The following NCAM2 variants were observed in gnomAD, a reference collection of about 807,000 sequenced individuals.
The protein encoded by NCAM2 is neural cell adhesion molecule 2, also known as N-CAM-2.
Under a neutral mutation model 98.1 loss-of-function variants are expected in NCAM2, and 30 were observed. The ratio of observed to expected loss-of-function variants is 0.31; its 90% CI spans 0.23 to 0.41. NCAM2 has a LOEUF of 0.41. Among genes scored for constraint, NCAM2 ranks in the 10% least tolerant of loss-of-function variants. The pLI, the probability that NCAM2 is intolerant of heterozygous loss-of-function variation, is 1.00. For missense variants in NCAM2, 867 were observed against 1,005.8 expected, an observed-to-expected ratio of 0.86 and a Z score of 1.87; for synonymous variants, 368 against 342.4, an observed-to-expected ratio of 1.07 and a Z score of -0.83.
chr21:21,530,127 T>C (rs1989553498), intron 16 of NCAM2, among the ~76,000 whole-genome samples: 1 of 144,694 alleles, frequency 6.9e-6, no homozygotes, highest in East Asian at 2.0e-4. Flanking sequence ...AATTTAATTA[T>C]ATATGATTTA....
intron 1 of NCAM2, among the ~76,000 whole-genome samples, chr21:21,015,705 G>C (rs1041494615): frequency 3.1e-4 from 47 of 151,952 alleles, no homozygotes; most frequent in African/African-American, 1.1e-3. Context: ...TTGTTTGTTT[G>C]TTTTTGGTTT....
At chr21:21,030,327 A>G (rs2064652336) in intron 1 of NCAM2, among the ~76,000 whole-genome samples, 1 of 152,208 alleles carries the variant, frequency 6.6e-6, no homozygotes, top group Non-Finnish European at 1.5e-5. Flanking sequence ...GTCCTTGACT[A>G]CCACGATATT....
At chr21:21,150,989 T>A in intron 1 of NCAM2, among the ~76,000 whole-genome samples, 1 of 151,846 alleles carries the variant, frequency 6.6e-6, no homozygotes, top group South Asian at 2.1e-4. Context: ...TATATATATA[T>A]TTTTAATCGT....
In NCAM2 at chr21:21,335,562, A is replaced by G. The variant is rs2074840172; in HGVS notation, c.795A>G (p.Glu265=). 6.2e-7 allele frequency: 1 copy of G among 1,611,352 alleles called. No homozygotes were observed. Among genetic ancestry groups the G allele is most frequent in the Non-Finnish European group, 8.5e-7 (1 of 1,178,604 alleles). ...ACATATTGAAAGGGAGCAATACAGA[A>G]CTCACTGTCAGGAACATAATCAATA... ...EKYILKGSNT[E]LTVRNIINSD... The change falls in exon 7 of 18, where the codon GAA becomes GAG. Residue 265 remains glutamate (E), a synonymous_variant. Coordinates refer to ENST00000400546, the MANE Select transcript of NCAM2 (RefSeq NM_004540.5).
rs137908546 is a variant in NCAM2 at position 21,306,014 on chromosome 21, G to C, written c.619+13773G>C. Among the ~76,000 whole-genome samples the C allele has an allele frequency of 2.1e-3, 321 of 152,196 alleles. 1 individual carries two copies. Among genetic ancestry groups the C allele is most frequent in the African/African-American group, 7.4e-3 (308 of 41,538 alleles). ...TATTATTTATCCCATGAAACATTTA[G>C]AAGTATGCACTTAGCTTCCAATTAT... On this transcript the variant is annotated intron_variant, in intron 5 of 17. Transcript: ENST00000400546.
intron 1 of NCAM2, among the ~76,000 whole-genome samples, chr21:21,069,870 T>G (rs10854450): frequency 0.65 from 99,460 of 151,990 alleles, 33,901 homozygotes; most frequent in East Asian, 0.84. Context: ...GGACCTTCTG[T>G]GACATCCCAA....
intron 9 of NCAM2, among the ~76,000 whole-genome samples, chr21:21,382,939 T>G (rs2076190970): frequency 6.6e-6 from 1 of 152,158 alleles, no homozygotes; most frequent in South Asian, 2.1e-4. Context: ...TTTTATCTAT[T>G]TTAGAATATA....
chr21:21,299,468 C>T (rs1289371020), intron 5 of NCAM2, among the ~76,000 whole-genome samples: 3 of 151,860 alleles, frequency 2.0e-5, no homozygotes, highest in African/African-American at 7.2e-5. Context: ...CCATGTGCTA[C>T]ATCATCTTCT....
intron 1 of NCAM2, among the ~76,000 whole-genome samples, chr21:21,248,710 G>A (rs536161735): frequency 7.8e-4 from 113 of 144,052 alleles, no homozygotes; most frequent in Non-Finnish European, 1.2e-3. Flanking sequence ...CCGGGAGGTG[G>A]AGCTTGCAGT....
intron 15 of NCAM2, among the ~76,000 whole-genome samples, chr21:21,478,716 T>G (rs1039491134): frequency 6.6e-6 from 1 of 152,102 alleles, no homozygotes; most frequent in Non-Finnish European, 1.5e-5. Flanking sequence ...TTTTAAGGAC[T>G]TTTTTTACTA....
chr21:21,115,062 C>T (rs1024836377), intron 1 of NCAM2, among the ~76,000 whole-genome samples: 1 of 152,124 alleles, frequency 6.6e-6, no homozygotes, highest in Non-Finnish European at 1.5e-5. Context: ...CTTAGGTAAT[C>T]TGCCTGCCTC....
Position 21,492,128 on chromosome 21 carries a change from C to A in NCAM2, c.2077+14657C>A, listed in dbSNP as rs543188454. Among the ~76,000 whole-genome samples the A allele has an allele frequency of 2.6e-5, 4 of 151,746 alleles. No individual in the cohort carries two copies. The South Asian group carries it at 8.3e-4, about 31-fold the overall frequency. On this transcript the variant is annotated intron_variant, in intron 15 of 17. Transcript: ENST00000400546. ...AAAATCTGAAGCTATTATAACCAAA[C>A]TCTATTATTTTATTATATCAACAAA...
intron 6 of NCAM2, among the ~76,000 whole-genome samples, chr21:21,330,707 A>C (rs2074650512): frequency 2.0e-5 from 3 of 151,548 alleles, no homozygotes; most frequent in African/African-American, 4.8e-5. Flanking sequence ...GTTTTGCTTC[A>C]TATTTTTTGA....
chr21:21,050,944 C>T (rs2065096166), intron 1 of NCAM2, among the ~76,000 whole-genome samples: 1 of 152,170 alleles, frequency 6.6e-6, no homozygotes, highest in African/African-American at 2.4e-5. Flanking sequence ...CAGCATGATA[C>T]ATTTGATTTC....
chr21:21,021,256 A>G (rs2064429725), intron 1 of NCAM2, among the ~76,000 whole-genome samples: 1 of 152,150 alleles, frequency 6.6e-6, no homozygotes, highest in Non-Finnish European at 1.5e-5. Context: ...TTAAGAAAAC[A>G]TTCATCTCTT....
chr21:21,254,587 T>A (rs1214379351), intron 1 of NCAM2, among the ~76,000 whole-genome samples: 3 of 152,180 alleles, frequency 2.0e-5, no homozygotes, highest in Non-Finnish European at 2.9e-5. Flanking sequence ...GTCTAGACCA[T>A]AACAAGTCGT....
At position 21,285,274 on chromosome 21, in the gene NCAM2, G is replaced by A. The variant is rs1306942244; in HGVS notation, c.337+874G>A. On this transcript the variant is annotated intron_variant, in intron 3 of 17. Coordinates refer to ENST00000400546, the MANE Select transcript of NCAM2 (RefSeq NM_004540.5). ...CAAGCCCTTAAATCATCTCATATCT[G>A]TAGCTTTGTGTTTTGTTTGTTATTC... 4.0e-5 allele frequency among the ~76,000 whole-genome samples: 6 copies of A among 151,806 alleles called. No individual in the cohort carries two copies. The East Asian group carries it at 1.2e-3, about 29-fold the overall frequency.
At chr21:21,069,478 T>C (rs980100854) in intron 1 of NCAM2, among the ~76,000 whole-genome samples, 3 of 152,082 alleles carry the variant, frequency 2.0e-5, no homozygotes. Flanking sequence ...GCACAGAAAA[T>C]GTTTTCTGTC....
chr21:21,218,238 A>AC (rs2069988499), intron 1 of NCAM2, among the ~76,000 whole-genome samples: 1 of 152,206 alleles, frequency 6.6e-6, no homozygotes, highest in African/African-American at 2.4e-5. Context: ...AGCTGTTCAA[A>AC]CAGTCCAGTG....
Sources: allele counts gnomAD v4.1 joint callset (sites outside exome capture counted in the v4.1 genomes callset), GRCh38; gene constraint gnomAD v4.1.1; transcripts MANE v1.5; gene names NCBI Gene and HGNC (gene_info 2026-07-23, HGNC 2026-07-21).